SYCP2L: variants seen among roughly 807,000 people sequenced by gnomAD.
SYCP2L encodes synaptonemal complex protein 2 like.
SYCP2L carries 98 observed loss-of-function variants against 125.8 expected under a neutral mutation model. The observed-to-expected ratio is 0.78, with a 90% CI of 0.66 to 0.92. SYCP2L has a LOEUF of 0.92. SYCP2L is among the 40% of genes least tolerant of loss of function. SYCP2L has a pLI of 0.00. For synonymous variants in SYCP2L, 317 were observed against 325.4 expected (o/e 0.97, Z 0.28); for missense variants, 842 against 936.4 (o/e 0.90, Z 1.32).
rs1780866225 is a variant in SYCP2L at position 10,924,602 on chromosome 6, A to G, written c.1179A>G (p.Ile393Met). Reference protein sequence around the residue: ...IEIHFDLQFNISQVSIQALGE... With the variant: ...IEIHFDLQFNMSQVSIQALGE... Reference sequence around the variant, plus strand: ...TCCATTTTGATTTGCAGTTCAACATATCACAAGTTTCCATTCAAGCTTTAG... The same window carrying G: ...TCCATTTTGATTTGCAGTTCAACATGTCACAAGTTTCCATTCAAGCTTTAG... The change falls in exon 15 of 30, where the codon ATA (isoleucine) becomes ATG (methionine). Residue 393 changes from isoleucine to methionine, a missense_variant. Ile to Met is a conservative substitution (Grantham distance 10). Coordinates refer to ENST00000283141, the MANE Select transcript of SYCP2L (RefSeq NM_001040274.3). 2 of 1,597,948 alleles carry G rather than the reference A, an allele frequency of 1.3e-6. No individual in the cohort carries two copies. Among genetic ancestry groups the G allele is most frequent in the Non-Finnish European group, 1.7e-6 (2 of 1,175,722 alleles).
At chr6:10,915,233 G>A (rs1780672505) in intron 14 of SYCP2L, among the ~76,000 whole-genome samples, 1 of 152,144 alleles carries the variant, frequency 6.6e-6, no homozygotes, top group South Asian at 2.1e-4. Flanking sequence ...AATCTTTAGA[G>A]TTTTCTAGGT....
intron 12 of SYCP2L, among the ~76,000 whole-genome samples, chr6:10,911,882 G>T (rs1780613311): frequency 8.2e-6 from 1 of 121,742 alleles, no homozygotes; most frequent in Non-Finnish European, 1.8e-5. Flanking sequence ...ATCTGTTGTT[G>T]GGGAATAAAA....
chr6:10,924,684 T>C, intron 15 of SYCP2L, 43 bp downstream of exon 15: 1 of 1,447,258 alleles, frequency 6.9e-7, no homozygotes, highest in Admixed American at 3.0e-5. Context: ...AATGTTTTAG[T>C]ATGTTTCATG....
intron 17 of SYCP2L, among the ~76,000 whole-genome samples, chr6:10,927,987 C>T (rs993340559): frequency 2.0e-4 from 31 of 152,264 alleles, no homozygotes; most frequent in African/African-American, 6.3e-4. Context: ...CTGTTCCACC[C>T]GGCTCACCGG....
At chr6:10,955,446 T>A (rs1335082444) in intron 24 of SYCP2L, among the ~76,000 whole-genome samples, 1 of 152,220 alleles carries the variant, frequency 6.6e-6, no homozygotes, top group East Asian at 1.9e-4. Flanking sequence ...TCGTAACTCT[T>A]CCTTCTGGGA....
chr6:10,898,009 A>G lies in SYCP2L; in HGVS notation c.337-2A>G. 6.2e-7 allele frequency: 1 copy of G among 1,609,026 alleles called. No individual in the cohort carries two copies. Among genetic ancestry groups the G allele is most frequent in the Non-Finnish European group, 8.5e-7 (1 of 1,175,392 alleles). On this transcript the variant is annotated splice_acceptor_variant, in intron 4 of 29. Transcript: ENST00000283141. LOFTEE classifies it high-confidence loss of function. ...TAGTTACGTTAGTGTCCTCCTGTGT[A>G]CCTAGTTTCCTGGTTTGAAAGAACA...
At chr6:10,911,924 C>T (rs867791979) in intron 12 of SYCP2L, among the ~76,000 whole-genome samples, 18 of 12,054 alleles carry the variant, frequency 1.5e-3, no homozygotes, top group Admixed American at 6.4e-3. Context: ...TTTTTTGAGA[C>T]GGAGTCTCAC....
chr6:10,910,591 CT>C (rs562242264), intron 11 of SYCP2L, among the ~76,000 whole-genome samples: 73 of 152,208 alleles, frequency 4.8e-4, no homozygotes, highest in African/African-American at 1.4e-3. Context: ...GGGAATCTGG[CT>C]GAGTAACTGG....
intron 8 of SYCP2L, among the ~76,000 whole-genome samples, chr6:10,903,577 C>A (rs1431165995): frequency 6.6e-6 from 1 of 151,426 alleles, no homozygotes; most frequent in Non-Finnish European, 1.5e-5. Flanking sequence ...AAAAGAAACT[C>A]TATCTCTACT....
At position 10,955,213 on chromosome 6, in the gene SYCP2L, G is replaced by A. The variant is rs538404243; in HGVS notation, c.2052G>A (p.Leu684=). ...TCTCAATAACAGAAGAAAGAGAGTTGCCAGGTAACATCATGCACCCAGCCA... is the reference window on the plus strand; with the variant it reads ...TCTCAATAACAGAAGAAAGAGAGTTACCAGGTAACATCATGCACCCAGCCA... ...SPFSITEERE[L]PEGISTSSLE... Residue 684 remains leucine (L), a synonymous_variant, in exon 24 of 30, where the codon TTG becomes TTA. Transcript: ENST00000283141. 4 of 1,601,878 alleles carry A rather than the reference G, an allele frequency of 2.5e-6. No individual in the cohort carries two copies. Among genetic ancestry groups the A allele is most frequent in the Non-Finnish European group, 3.4e-6 (4 of 1,168,902 alleles).
rs183920545 is a variant in SYCP2L at position 10,934,548 on chromosome 6, C to T, written c.1684-510C>T. 9.8e-5 allele frequency among the ~76,000 whole-genome samples: 15 copies of T among 152,290 alleles called. No homozygotes were observed. In the East Asian group the frequency reaches 2.1e-3, roughly 22 times the overall value. On this transcript the variant is annotated intron_variant, in intron 20 of 29. Coordinates refer to ENST00000283141, the MANE Select transcript of SYCP2L (RefSeq NM_001040274.3). The stretch of plus-strand genomic sequence containing the variant: ...CAAAAAAATTAGCTGGGTGTGGTGG[C>T]GCGTGCCTATGATTCCAGCTACTCA...
intron 4 of SYCP2L, among the ~76,000 whole-genome samples, chr6:10,894,835 G>A (rs1780230110): frequency 6.6e-6 from 1 of 152,176 alleles, no homozygotes; most frequent in Non-Finnish European, 1.5e-5. Flanking sequence ...CCAGAGGCAA[G>A]TTTGTTTATT....
chr6:10,932,098 A>G (rs1407845158), intron 20 of SYCP2L, among the ~76,000 whole-genome samples: 3 of 149,780 alleles, frequency 2.0e-5, no homozygotes, highest in African/African-American at 7.4e-5. Flanking sequence ...ACTCTTTTGA[A>G]TTTATGTTTT....
intron 23 of SYCP2L, among the ~76,000 whole-genome samples, chr6:10,944,445 C>T (rs886669563): frequency 2.0e-5 from 3 of 152,170 alleles, no homozygotes; most frequent in African/African-American, 7.2e-5. Context: ...ATATCTTCTT[C>T]CACTGTGTGG....
At chr6:10,894,443 C>A (rs890332898) in intron 4 of SYCP2L, among the ~76,000 whole-genome samples, 10 of 152,120 alleles carry the variant, frequency 6.6e-5, no homozygotes, top group Non-Finnish European at 1.0e-4. Flanking sequence ...CAACCACTGC[C>A]CTTGTTGAGC....
At chr6:10,893,556 T>G (rs1273885492) in intron 2 of SYCP2L, among the ~76,000 whole-genome samples, 1 of 152,168 alleles carries the variant, frequency 6.6e-6, no homozygotes, top group African/African-American at 2.4e-5. Context: ...GGGTCAGTGG[T>G]TCCCAGACTT....
At chr6:10,923,479 G>A (rs544162255) in intron 14 of SYCP2L, among the ~76,000 whole-genome samples, 24 of 148,724 alleles carry the variant, frequency 1.6e-4, no homozygotes, top group African/African-American at 5.7e-4. Flanking sequence ...TCCGCTTAGC[G>A]GGTTCAAGCA....
chr6:10,895,228 T>TA (rs996928680), intron 4 of SYCP2L, among the ~76,000 whole-genome samples: 3 of 152,228 alleles, frequency 2.0e-5, no homozygotes, highest in Non-Finnish European at 2.9e-5. Context: ...AGAGATGTCC[T>TA]AAGTGTACCT....
At chr6:10,930,164 C>T (rs1780965844) in intron 18 of SYCP2L, 2 of 442,636 alleles carry the variant, frequency 4.5e-6, no homozygotes, top group Admixed American at 4.1e-5. Flanking sequence ...TTTTGTCATC[C>T]TATACAACAG....
Sources: gnomAD v4.1 joint callset for allele counts (sites outside exome capture counted in the v4.1 genomes callset) on GRCh38, gnomAD v4.1.1 for gene constraint, MANE v1.5 for transcripts, NCBI Gene and HGNC (gene_info 2026-07-23, HGNC 2026-07-21) for gene names.